Variants in STXBP4 observed in about 807,000 individuals in gnomAD.
STXBP4 encodes syntaxin-binding protein 4.
In STXBP4, 55 loss-of-function variants were observed where a neutral mutation model predicts 76.1. The observed-to-expected ratio is 0.72, with a 90% CI of 0.58 to 0.91. The LOEUF (loss-of-function observed/expected upper bound fraction) is 0.91. STXBP4 is among the 40% of genes least tolerant of loss of function. The pLI is 0.00. For missense variants in STXBP4, 618 were observed against 636.9 expected (o/e 0.97, Z 0.32); for synonymous variants, 201 against 220.2 (o/e 0.91, Z 0.77).
intron 16 of STXBP4, among the ~76,000 whole-genome samples, chr17:55,090,360 A>T (rs1460740438): frequency 6.6e-6 from 1 of 152,074 alleles, no homozygotes; most frequent in Non-Finnish European, 1.5e-5. Context: ...CTTCAGCACC[A>T]AAAGCCACAT....
Position 55,120,932 on chromosome 17 carries a change from C to G in STXBP4, c.1490-20378C>G, listed in dbSNP as rs569153429. ...CTAGCCCTTGCACACAGAAGTGGTG[C>G]CATTTTCAACACATGATGGAATTTT... On this transcript the variant is annotated intron_variant, in intron 16 of 17. Coordinates refer to ENST00000376352, the MANE Select transcript of STXBP4 (RefSeq NM_178509.6). Among the ~76,000 whole-genome samples the G allele has an allele frequency of 8.7e-4, 132 of 152,210 alleles. 1 individual carries two copies. Among genetic ancestry groups the G allele is most frequent in the African/African-American group, 3.0e-3 (126 of 41,532 alleles).
chr17:55,087,518 A>G (rs1276118841), intron 16 of STXBP4, among the ~76,000 whole-genome samples: 1 of 152,036 alleles, frequency 6.6e-6, no homozygotes, highest in African/African-American at 2.4e-5. Context: ...TCCTTTCCCA[A>G]TGCTTTTGGC....
chr17:55,184,963 C>G, the STXBP4 span, among the ~76,000 whole-genome samples: 17 of 152,156 alleles, frequency 1.1e-4, no homozygotes, highest in African/African-American at 3.9e-4. Flanking sequence ...CCTTGACCTC[C>G]TGGGCCCGAG....
chr17:54,999,375 G>A lies in STXBP4; in HGVS notation c.211G>A (p.Val71Ile), dbSNP rs145302995. ...TCGTTTGAAGCCAGGAGATCAACTT[G>A]TCTCAGTCAACAAGGAATCTATGAT... ...DGRLKPGDQL[V>I]SVNKESMIGV... is the part of the protein sequence containing the mutation. Residue 71 changes from valine (V) to isoleucine (I), a missense_variant, in exon 5 of 18, where the codon GTC (valine) becomes ATC (isoleucine). By Grantham distance (29) the Val-to-Ile change is conservative (BLOSUM62 3). Transcript: ENST00000376352. The A allele has an allele frequency of 6.5e-5, 104 of 1,612,212 alleles. No homozygotes were observed. The highest frequency in any genetic ancestry group is 1.6e-4 in the Middle Eastern group (1 of 6,072).
At chr17:55,026,882 A>T (rs1203335516) in intron 8 of STXBP4, among the ~76,000 whole-genome samples, 4 of 152,088 alleles carry the variant, frequency 2.6e-5, no homozygotes, top group Non-Finnish European at 5.9e-5. Flanking sequence ...CAGGCAGAGG[A>T]GCTTGGGCAC....
chr17:55,023,113 T>C (rs926217947), intron 8 of STXBP4, among the ~76,000 whole-genome samples: 1 of 152,216 alleles, frequency 6.6e-6, no homozygotes, highest in East Asian at 1.9e-4. Context: ...AAATTCTAGA[T>C]TAAAATTTGC....
At chr17:55,063,182 T>C (rs577710143) in intron 12 of STXBP4, among the ~76,000 whole-genome samples, 1 of 152,214 alleles carries the variant, frequency 6.6e-6, no homozygotes, top group Non-Finnish European at 1.5e-5. Context: ...TCATTAGAGG[T>C]GAATGTAGCC....
chr17:55,037,958 G>A (rs868744745), intron 10 of STXBP4, among the ~76,000 whole-genome samples: 1 of 152,032 alleles, frequency 6.6e-6, no homozygotes, highest in Non-Finnish European at 1.5e-5. Flanking sequence ...GAGTTCAAAA[G>A]CAGTTTAGTC....
intron 12 of STXBP4, among the ~76,000 whole-genome samples, chr17:55,069,182 G>T (rs900808583): frequency 6.7e-6 from 1 of 150,112 alleles, no homozygotes; most frequent in Non-Finnish European, 1.5e-5. Flanking sequence ...ATAAGCTAGA[G>T]ATTTTACTTC....
chr17:55,014,365 T>C lies in STXBP4; in HGVS notation c.666+6768T>C, dbSNP rs558707181. ...GCCCCTGCTTTTGCTAGAATGTCTC[T>C]CCCTAACAAGGGAGTGGGGCTTTCA... On this transcript the variant is annotated intron_variant, in intron 8 of 17. Transcript: ENST00000376352. 5.3e-5 allele frequency among the ~76,000 whole-genome samples: 8 copies of C among 152,252 alleles called. No individual in the cohort carries two copies. In the East Asian group the frequency reaches 9.7e-4, roughly 18 times the overall value.
chr17:55,203,359 G>C, the STXBP4 span, among the ~76,000 whole-genome samples: 1 of 152,030 alleles, frequency 6.6e-6, no homozygotes, highest in Non-Finnish European at 1.5e-5. Flanking sequence ...TCTTTATGAA[G>C]AGCTCCTCAT....
intron 16 of STXBP4, among the ~76,000 whole-genome samples, chr17:55,088,927 T>A (rs1022856555): frequency 1.1e-4 from 16 of 152,106 alleles, no homozygotes; most frequent in Non-Finnish European, 1.5e-4. Context: ...AGTGTGTAAA[T>A]CATAGAGGCA....
At chr17:55,202,970 A>T in the STXBP4 span, among the ~76,000 whole-genome samples, 1 of 152,064 alleles carries the variant, frequency 6.6e-6, no homozygotes, top group Admixed American at 6.6e-5. Context: ...AAAAAGCTTC[A>T]TTTTTCCACT....
chr17:55,101,613 AAG>A (rs1414378698), intron 16 of STXBP4, among the ~76,000 whole-genome samples: 2 of 152,210 alleles, frequency 1.3e-5, no homozygotes, highest in Non-Finnish European at 2.9e-5. Flanking sequence ...TTCAATAAGA[AAG>A]AGGGAAATTC....
intron 16 of STXBP4, among the ~76,000 whole-genome samples, chr17:55,096,163 G>T (rs1334435760): frequency 6.6e-6 from 1 of 151,950 alleles, no homozygotes; most frequent in African/African-American, 2.4e-5. Flanking sequence ...GTTTTGTTTT[G>T]TTTTGTGTTT....
intron 16 of STXBP4, among the ~76,000 whole-genome samples, chr17:55,139,567 A>T (rs970208780): frequency 6.6e-6 from 1 of 152,174 alleles, no homozygotes; most frequent in African/African-American, 2.4e-5. Context: ...TCTATAAAAG[A>T]AGATGCAGAA....
intron 16 of STXBP4, among the ~76,000 whole-genome samples, chr17:55,096,312 C>T (rs1978341): frequency 0.23 from 35,685 of 152,044 alleles, 4,673 homozygotes; most frequent in South Asian, 0.31. Flanking sequence ...CACACCACCA[C>T]GCCTAGCTAA....
intron 16 of STXBP4, among the ~76,000 whole-genome samples, chr17:55,104,666 C>G (rs1003979633): frequency 1.3e-5 from 2 of 152,102 alleles, no homozygotes; most frequent in African/African-American, 4.8e-5. Context: ...AGGAGTCCCT[C>G]TTTTTCTTTT....
intron 12 of STXBP4, among the ~76,000 whole-genome samples, chr17:55,049,080 A>T (rs556589171): frequency 3.6e-4 from 55 of 152,130 alleles, no homozygotes; most frequent in African/African-American, 1.3e-3. Flanking sequence ...CATGCAAAGT[A>T]AGGCAATAGT....
Sources: gnomAD v4.1 joint callset for allele counts (sites outside exome capture counted in the v4.1 genomes callset) on GRCh38, gnomAD v4.1.1 for gene constraint, MANE v1.5 for transcripts, NCBI Gene and HGNC (gene_info 2026-07-23, HGNC 2026-07-21) for gene names.